Variants in ALK observed in about 807,000 individuals in gnomAD.
The protein encoded by ALK is ALK receptor tyrosine kinase.
In ALK, 74 loss-of-function variants were observed where a neutral mutation model predicts 163.1. That is an observed-to-expected ratio of 0.45 (90% CI 0.38 to 0.55). The LOEUF (loss-of-function observed/expected upper bound fraction) is 0.55. Ranked by LOEUF, ALK falls within the 20% of genes least tolerant of loss-of-function variation. The probability of loss-of-function intolerance (pLI) is 0.00; values close to 1 mark genes in which losing one functional copy is unlikely to be tolerated. For synonymous variants in ALK, 960 were observed against 843.2 expected, an observed-to-expected ratio of 1.14 and a Z score of -2.40; for missense variants, 2,063 against 2,105.3, an observed-to-expected ratio of 0.98 and a Z score of 0.39.
intron 1 of ALK, among the ~76,000 whole-genome samples, chr2:29,739,047 G>T (rs1317818040): frequency 1.3e-5 from 2 of 151,514 alleles, no homozygotes; most frequent in Non-Finnish European, 2.9e-5. Context: ...GACCAGTCTG[G>T]GCAACATAGT....
In ALK at chr2:29,735,720, G is replaced by C. The variant is rs147135747; in HGVS notation, c.668-18023C>G. On this transcript the variant is annotated intron_variant, in intron 1 of 28. Transcript: ENST00000389048. ...CATGATAGCGAGTGAATTCTTGTGA[G>C]ATCTGATGGTTTTATAAGGAGCTTT... Among the ~76,000 whole-genome samples the C allele has an allele frequency of 1.7e-4, 26 of 152,144 alleles. No individual in the cohort carries two copies. In the East Asian group the frequency reaches 5.0e-3, roughly 29 times the overall value.
chr2:29,620,257 G>A (rs986311234), intron 3 of ALK, among the ~76,000 whole-genome samples: 2 of 152,116 alleles, frequency 1.3e-5, no homozygotes, highest in Non-Finnish European at 2.9e-5. Flanking sequence ...AGAGGGCTGT[G>A]AGGGAAGGAT....
In ALK at chr2:29,671,912, T is replaced by G. The variant is rs953980314; in HGVS notation, c.952+22938A>C. 1.5e-4 allele frequency among the ~76,000 whole-genome samples: 23 copies of G among 152,090 alleles called. 1 individual carries two copies. The East Asian group carries it at 4.3e-3, about 28-fold the overall frequency. Reference sequence around the variant, plus strand: ...TTTAGATATAAATATTTAAAGAAATTTTTAGTTTTTAATTACAAAATAAAT... The same window carrying G: ...TTTAGATATAAATATTTAAAGAAATGTTTAGTTTTTAATTACAAAATAAAT... On this transcript the variant is annotated intron_variant, in intron 3 of 28. Coordinates refer to ENST00000389048, the MANE Select transcript of ALK (RefSeq NM_004304.5).
intron 3 of ALK, among the ~76,000 whole-genome samples, chr2:29,669,860 TAAAAACAAAGGC>T: frequency 9.6e-6 from 1 of 104,512 alleles, no homozygotes; most frequent in Non-Finnish European, 1.9e-5. Context: ...AATAGAAGAA[TAAAAACAAAGGC>T]AAAAAAAAAC....
intron 4 of ALK, among the ~76,000 whole-genome samples, chr2:29,448,855 T>A (rs1670751963): frequency 6.6e-6 from 1 of 152,216 alleles, no homozygotes; most frequent in South Asian, 2.1e-4. Context: ...TTAGAAAATC[T>A]TTATTTATTC....
At chr2:29,898,758 T>G (rs574716935) in intron 1 of ALK, among the ~76,000 whole-genome samples, 1 of 152,058 alleles carries the variant, frequency 6.6e-6, no homozygotes, top group African/African-American at 2.4e-5. Flanking sequence ...AAGAATGTGA[T>G]GTTCAGAAAG....
intron 5 of ALK, among the ~76,000 whole-genome samples, chr2:29,353,924 C>T (rs976211109): frequency 2.6e-5 from 4 of 152,150 alleles, no homozygotes; most frequent in African/African-American, 9.7e-5. Context: ...TGTTGAGACT[C>T]AAAGGTAGGA....
At chr2:29,860,495 A>G (rs1168420459) in intron 1 of ALK, among the ~76,000 whole-genome samples, 1 of 152,222 alleles carries the variant, frequency 6.6e-6, no homozygotes, top group Admixed American at 6.5e-5. Context: ...TCAATAAGGA[A>G]ACACTGGACA....
chr2:29,675,646 G>A lies in ALK; in HGVS notation c.952+19204C>T, dbSNP rs181689009. ...TACTGAAAGTTACAGCTGGATCCAT[G>A]CCTGCTGCTTACATGCTGTATGTCT... is the stretch of plus-strand genomic sequence containing the variant. On this transcript the variant is annotated intron_variant, in intron 3 of 28. Transcript: ENST00000389048. Among the ~76,000 whole-genome samples, 983 of 152,028 alleles carry A rather than the reference G, an allele frequency of 6.5e-3. 5 individuals are homozygous for A. Among genetic ancestry groups the A allele is most frequent in the Non-Finnish European group, 0.01 (693 of 67,922 alleles).
intron 27 of ALK, 76 bp downstream of exon 27, chr2:29,197,466 C>T (rs1669050675): frequency 6.3e-7 from 1 of 1,598,946 alleles, no homozygotes; most frequent in Non-Finnish European, 8.5e-7. Context: ...CTTAAAGAAG[C>T]ATATGTGGCT....
rs1413205898 is a variant in ALK at position 29,857,575 on chromosome 2, T to C, written c.667+62418A>G. On this transcript the variant is annotated intron_variant, in intron 1 of 28. Transcript: ENST00000389048. ...AGGAGCATTGAGGCTGGACTAAAGT[T>C]AGTGGGATTCTCTAGTCCATAGGCA... 4.6e-5 allele frequency among the ~76,000 whole-genome samples: 7 copies of C among 152,256 alleles called. No individual in the cohort carries two copies. In the South Asian group the frequency reaches 1.5e-3, roughly 32 times the overall value.
intron 4 of ALK, among the ~76,000 whole-genome samples, chr2:29,433,567 C>T (rs76019876): frequency 0.018 from 2,750 of 152,304 alleles, 73 homozygotes; most frequent in African/African-American, 0.058. Flanking sequence ...TCTCTTTCCT[C>T]TTTAATCACT....
At chr2:29,427,798 A>G (rs1670182300) in intron 4 of ALK, among the ~76,000 whole-genome samples, 1 of 152,220 alleles carries the variant, frequency 6.6e-6, no homozygotes, top group African/African-American at 2.4e-5. Flanking sequence ...ATCTGTCTAT[A>G]TGCTTTCTAC....
chr2:29,655,818 GTT>G (rs1677167969), intron 3 of ALK, among the ~76,000 whole-genome samples: 1 of 152,218 alleles, frequency 6.6e-6, no homozygotes, highest in Non-Finnish European at 1.5e-5. Flanking sequence ...GAAGGATTGT[GTT>G]TAAGCAACTT....
intron 2 of ALK, among the ~76,000 whole-genome samples, chr2:29,704,762 G>GA (rs1398059802): frequency 6.6e-6 from 1 of 152,114 alleles, no homozygotes; most frequent in Non-Finnish European, 1.5e-5. Flanking sequence ...GCCACAGTGA[G>GA]AACAGGGTGG....
At chr2:29,206,439 T>C (rs1669311824) in intron 26 of ALK, among the ~76,000 whole-genome samples, 1 of 152,034 alleles carries the variant, frequency 6.6e-6, no homozygotes, top group Non-Finnish European at 1.5e-5. Flanking sequence ...ACCTGGCTAA[T>C]TTTAAAATTT....
chr2:29,277,197 G>A (rs190038686), intron 9 of ALK, among the ~76,000 whole-genome samples: 2 of 152,240 alleles, frequency 1.3e-5, no homozygotes, highest in Admixed American at 6.5e-5. Context: ...GAAGAGATAT[G>A]GAAAGAAAGG....
intron 1 of ALK, among the ~76,000 whole-genome samples, chr2:29,783,699 A>G (rs951700853): frequency 3.3e-5 from 5 of 152,242 alleles, no homozygotes; most frequent in Non-Finnish European, 7.3e-5. Context: ...GCTTTGAAAT[A>G]TAAAGTGCTC....
chr2:29,738,891 A>G (rs1679968972), intron 1 of ALK, among the ~76,000 whole-genome samples: 2 of 152,068 alleles, frequency 1.3e-5, no homozygotes, highest in South Asian at 4.1e-4. Context: ...TAGCAAAACA[A>G]TAATTTCTAG....
Sources: allele counts gnomAD v4.1 joint callset (sites outside exome capture counted in the v4.1 genomes callset), GRCh38; gene constraint gnomAD v4.1.1; transcripts MANE v1.5; gene names NCBI Gene and HGNC (gene_info 2026-07-23, HGNC 2026-07-21).